Variants in CALN1 observed in about 807,000 individuals in gnomAD.
CALN1 encodes the protein calneuron 1, also known as calcium-binding protein 8.
In CALN1, 17 loss-of-function variants were observed where a neutral mutation model predicts 30.6. The ratio of observed to expected loss-of-function variants is 0.56; its 90% CI spans 0.38 to 0.83. CALN1 has a LOEUF of 0.83. CALN1 is among the 40% of genes least tolerant of loss of function. The pLI is 0.00. For missense variants in CALN1, 291 were observed against 354.9 expected (o/e 0.82, Z 1.45); for synonymous variants, 156 against 131.4 (o/e 1.19, Z -1.28).
At chr7:72,169,641 C>T (rs1429142865) in intron 3 of CALN1, among the ~76,000 whole-genome samples, 1 of 151,898 alleles carries the variant, frequency 6.6e-6, no homozygotes, top group Non-Finnish European at 1.5e-5. Context: ...CTTATACCCT[C>T]ATTCTCCCTC....
chr7:72,154,279 C>T (rs1055741269), intron 3 of CALN1, among the ~76,000 whole-genome samples: 2 of 151,770 alleles, frequency 1.3e-5, no homozygotes, highest in Non-Finnish European at 2.9e-5. Context: ...CCTTGTCCAG[C>T]GTCATGCAAA....
At chr7:71,849,788 C>T (rs923906966) in intron 5 of CALN1, among the ~76,000 whole-genome samples, 6 of 152,042 alleles carry the variant, frequency 3.9e-5, no homozygotes, top group South Asian at 2.1e-4. Context: ...GGGCTATAGG[C>T]GCATGCCACC....
At chr7:71,975,985 A>T (rs955986692) in intron 5 of CALN1, among the ~76,000 whole-genome samples, 2 of 151,100 alleles carry the variant, frequency 1.3e-5, no homozygotes, top group Non-Finnish European at 3.0e-5. Flanking sequence ...AGCTATATTA[A>T]GGCTTTTAAA....
intron 5 of CALN1, among the ~76,000 whole-genome samples, chr7:71,814,833 AC>A (rs1331651161): frequency 7.0e-6 from 1 of 143,340 alleles, no homozygotes; most frequent in East Asian, 2.5e-4. Context: ...GAGTTAATCA[AC>A]TTTTTTTTTT....
At chr7:72,182,151 G>A (rs749246884) in intron 3 of CALN1, among the ~76,000 whole-genome samples, 7 of 152,148 alleles carry the variant, frequency 4.6e-5, no homozygotes, top group Non-Finnish European at 7.3e-5. Context: ...CTAGAATGCC[G>A]CTGGTCTCAG....
intron 5 of CALN1, among the ~76,000 whole-genome samples, chr7:71,861,002 A>ATG (rs1356618009): frequency 6.6e-6 from 1 of 152,102 alleles, no homozygotes; most frequent in Non-Finnish European, 1.5e-5. Flanking sequence ...TTAACTTAAC[A>ATG]TGTGTGGGTC....
At chr7:72,380,303 T>C (rs894147155) in intron 2 of CALN1, among the ~76,000 whole-genome samples, 4 of 152,080 alleles carry the variant, frequency 2.6e-5, no homozygotes, top group Non-Finnish European at 5.9e-5. Flanking sequence ...AAGGAAAACA[T>C]TGTCCCAATT....
At chr7:71,823,970 A>C (rs1788758409) in intron 5 of CALN1, among the ~76,000 whole-genome samples, 1 of 152,070 alleles carries the variant, frequency 6.6e-6, no homozygotes, top group African/African-American at 2.4e-5. Context: ...CAGTATGGGA[A>C]AGATCCGCCT....
At chr7:72,131,550 G>C (rs1809148759) in intron 3 of CALN1, among the ~76,000 whole-genome samples, 1 of 152,184 alleles carries the variant, frequency 6.6e-6, no homozygotes, top group African/African-American at 2.4e-5. Context: ...TACCCGAACT[G>C]ATTCTCTAAC....
intron 2 of CALN1, among the ~76,000 whole-genome samples, chr7:72,340,325 C>G (rs377177801): frequency 2.0e-5 from 3 of 152,114 alleles, no homozygotes; most frequent in Admixed American, 6.5e-5. Flanking sequence ...CTCCCACCCC[C>G]ACCTTCCAAA....
intron 2 of CALN1, among the ~76,000 whole-genome samples, chr7:72,279,443 A>C (rs1797585409): frequency 6.6e-6 from 1 of 152,214 alleles, no homozygotes; most frequent in African/African-American, 2.4e-5. Flanking sequence ...TGCTAATCAC[A>C]CCTGCCCTGC....
chr7:72,308,818 A>C (rs1294478404), intron 2 of CALN1, among the ~76,000 whole-genome samples: 3 of 152,190 alleles, frequency 2.0e-5, no homozygotes, highest in Non-Finnish European at 4.4e-5. Context: ...AAGAACTTTC[A>C]TGGAGTGATA....
At chr7:72,033,913 G>A (rs1353307830) in intron 4 of CALN1, among the ~76,000 whole-genome samples, 1 of 152,182 alleles carries the variant, frequency 6.6e-6, no homozygotes, top group Non-Finnish European at 1.5e-5. Context: ...GGCAGCCAGT[G>A]TGGAGGATGG....
intron 3 of CALN1, among the ~76,000 whole-genome samples, chr7:72,138,824 T>A (rs1039293000): frequency 1.3e-5 from 2 of 152,102 alleles, no homozygotes; most frequent in African/African-American, 4.8e-5. Flanking sequence ...ACTGTCACCA[T>A]AATGGAAAAG....
rs561465198 is a variant in CALN1 at position 72,142,089 on chromosome 7, C to T, written c.245-35795G>A. Among the ~76,000 whole-genome samples, 1,468 of 152,120 alleles carry T rather than the reference C, an allele frequency of 9.7e-3. 12 individuals carry two copies. Among genetic ancestry groups the T allele is most frequent in the Non-Finnish European group, 0.017 (1,151 of 67,972 alleles). ...ATTTCTGCATTTCCAACTGAGGTACCGGGTTCATCTCACTGGGGATTGTCA... is the reference window on the plus strand; with the variant it reads ...ATTTCTGCATTTCCAACTGAGGTACTGGGTTCATCTCACTGGGGATTGTCA... On this transcript the variant is annotated intron_variant, in intron 3 of 6. Coordinates refer to ENST00000395275, the MANE Select transcript of CALN1 (RefSeq NM_031468.4).
At chr7:72,299,082 T>TC (rs773052431) in intron 2 of CALN1, among the ~76,000 whole-genome samples, 4 of 152,190 alleles carry the variant, frequency 2.6e-5, no homozygotes, top group East Asian at 3.9e-4. Context: ...CCACAGTACC[T>TC]CCCAGTGTGA....
chr7:72,343,461 T>A (rs551021022), intron 2 of CALN1, among the ~76,000 whole-genome samples: 1 of 151,906 alleles, frequency 6.6e-6, no homozygotes, highest in African/African-American at 2.4e-5. Context: ...GGCAGGAGAA[T>A]TGCCTGAACC....
intron 2 of CALN1, among the ~76,000 whole-genome samples, chr7:72,292,549 A>T: frequency 6.6e-6 from 1 of 151,372 alleles, no homozygotes; most frequent in Non-Finnish European, 1.5e-5. Context: ...AGTCAGGTGC[A>T]GTGGCTTATG....
intron 4 of CALN1, among the ~76,000 whole-genome samples, chr7:72,062,174 C>T (rs887052824): frequency 4.6e-5 from 7 of 152,162 alleles, no homozygotes; most frequent in African/African-American, 7.2e-5. Context: ...ATTGTCAGCA[C>T]ACCTGCTCTA....
Sources: allele counts gnomAD v4.1 joint callset (sites outside exome capture counted in the v4.1 genomes callset), GRCh38; gene constraint gnomAD v4.1.1; transcripts MANE v1.5; gene names NCBI Gene and HGNC (gene_info 2026-07-23, HGNC 2026-07-21).